FZR1: variants seen among roughly 807,000 people sequenced by gnomAD.
FZR1 encodes the protein fizzy-related protein homolog.
A neutral mutation model predicts 63.6 loss-of-function variants in FZR1; 11 were observed. That is an observed-to-expected ratio of 0.17 (90% CI 0.11 to 0.29). The LOEUF is 0.29. FZR1 is among the 10% of genes least tolerant of loss of function. The pLI is 1.00. For synonymous variants in FZR1, 328 were observed against 297.9 expected (o/e 1.10, Z -1.04); for missense variants, 440 against 687.5 (o/e 0.64, Z 4.03).
At position 3,526,336 on chromosome 19, in the gene FZR1, G is replaced by A; in HGVS notation, c.337G>A (p.Glu113Lys). Residue 113 changes from glutamate (E) to lysine (K), a missense_variant, in exon 5 of 14, where the codon GAG (glutamate) becomes AAG (lysine). By Grantham distance (56) the Glu-to-Lys change is moderately conservative (BLOSUM62 1). Coordinates refer to ENST00000441788, the MANE Select transcript of FZR1 (RefSeq NM_016263.4). This position sits in a 1 kb window ranked among gnomAD's most constrained non-coding sequence, Gnocchi z 5.4. Reference protein sequence around the residue: ...GIEKVQDPQTEDRRLQPSTPE... With the variant: ...GIEKVQDPQTKDRRLQPSTPE... Reference sequence around the variant, plus strand: ...CGAGAAGGTGCAGGACCCGCAGACTGAGGACCGCAGGCTGCAGCCCTCCAC... The same window carrying A: ...CGAGAAGGTGCAGGACCCGCAGACTAAGGACCGCAGGCTGCAGCCCTCCAC... The A allele has an allele frequency of 6.2e-7, 1 of 1,602,012 alleles. No homozygotes were observed. The highest frequency in any genetic ancestry group is 8.5e-7 in the Non-Finnish European group (1 of 1,175,230).
chr19:3,519,042 C>T (rs1291699191), intron 1 of FZR1, among the ~76,000 whole-genome samples: 1 of 152,180 alleles, frequency 6.6e-6, no homozygotes, highest in Non-Finnish European at 1.5e-5. Flanking sequence ...TGACCCTCCC[C>T]ACCACATCCA....
At position 3,516,206 on chromosome 19, in the gene FZR1, T is replaced by C. The variant is rs1599774674; in HGVS notation, c.-34-6750T>C. Among the ~76,000 whole-genome samples the C allele has an allele frequency of 6.6e-6, 1 of 152,160 alleles. No individual in the cohort carries two copies. Among genetic ancestry groups the C allele is most frequent in the South Asian group, 2.1e-4 (1 of 4,822 alleles). On this transcript the variant is annotated intron_variant, in intron 1 of 13. Coordinates refer to ENST00000441788, the MANE Select transcript of FZR1 (RefSeq NM_016263.4). The surrounding 1 kb of genome is among the most constrained non-coding windows in gnomAD (Gnocchi z 6.0). ...CTGTCTCTCCCCACGCCTGGGATGG[T>C]GAGGCCGAGTCCCCCAGCCCACAGC... is the stretch of plus-strand genomic sequence containing the variant.
Position 3,535,685 on chromosome 19 carries a change from CAG to C in FZR1, c.*850_*851del, listed in dbSNP as rs1268129097. The C allele has an allele frequency of 1.3e-5, 2 of 152,374 alleles. No homozygotes were observed. The highest frequency in any genetic ancestry group is 6.5e-5 in the Admixed American group (1 of 15,288). The allele number at this position is 152,374 out of a possible 1,614,324, so 9.4% of individuals were successfully genotyped here. A position where few individuals can be genotyped will look rare whatever the true frequency, so the allele number is the denominator to read the frequency against. ...GTGCATTCGCCAACACGTGCCCTCA[CAG>C]GGCCAGCGTCCTCCTTCCCTGCGCA... On this transcript the variant is annotated 3_prime_UTR_variant, in exon 14 of 14. Transcript: ENST00000441788.
chr19:3,527,057 C>A lies in FZR1; in HGVS notation c.465C>A (p.Asn155Lys). ...CCTACTCCCTGTCTCCCGTCAGCAACAAGAGGTGGGTCCCAGCTTCCTCCG... is the reference window on the plus strand; with the variant it reads ...CCTACTCCCTGTCTCCCGTCAGCAAAAAGAGGTGGGTCCCAGCTTCCTCCG... ...VSPYSLSPVSNKSQKLLRSPR... is the reference protein window; with the variant it reads ...VSPYSLSPVSKKSQKLLRSPR... Residue 155 changes from asparagine (N) to lysine (K), a missense_variant, in exon 6 of 14, where the codon AAC (asparagine) becomes AAA (lysine). Asn to Lys is a moderately conservative substitution (Grantham distance 94). Around this residue, in one of 5 missense-constraint regions of FZR1, gnomAD observed 200 missense variants for 245.1 expected, o/e 0.82. Transcript: ENST00000441788. 2 of 1,608,384 alleles carry A rather than the reference C, an allele frequency of 1.2e-6. No individual in the cohort carries two copies. Among genetic ancestry groups the A allele is most frequent in the Non-Finnish European group, 1.7e-6 (2 of 1,175,822 alleles).
Position 3,525,266 on chromosome 19 carries a change from T to C in FZR1, c.70-602T>C, listed in dbSNP as rs2121960842. 6.6e-6 allele frequency among the ~76,000 whole-genome samples: 1 copy of C among 152,082 alleles called. No individual in the cohort carries two copies. The highest frequency in any genetic ancestry group is 6.6e-5 in the Admixed American group (1 of 15,248). ...TCCCCTCCGCCATGGCCCCCATTCCTGCCACTCCACCCCGTCCCGTGGCCC... is the reference window on the plus strand; with the variant it reads ...TCCCCTCCGCCATGGCCCCCATTCCCGCCACTCCACCCCGTCCCGTGGCCC... On this transcript the variant is annotated intron_variant, in intron 2 of 13. Coordinates refer to ENST00000441788, the MANE Select transcript of FZR1 (RefSeq NM_016263.4). This position sits in a 1 kb window ranked among gnomAD's most constrained non-coding sequence, Gnocchi z 4.2.
Position 3,529,146 on chromosome 19 carries a change from G to T in FZR1, c.654+1332G>T, listed in dbSNP as rs1568237483. On this transcript the variant is annotated intron_variant, in intron 7 of 13. Coordinates refer to ENST00000441788, the MANE Select transcript of FZR1 (RefSeq NM_016263.4). ...GGAGAGCGGATGGGAGAGCGGATGG[G>T]AGAGCGGATGGGAGAGCGGTTGGGA... 1.6e-4 allele frequency among the ~76,000 whole-genome samples: 18 copies of T among 111,542 alleles called. 1 individual carries two copies. Among genetic ancestry groups the T allele is most frequent in the African/African-American group, 6.6e-4 (18 of 27,390 alleles). The allele number at this position is 111,542 out of a possible 152,430, so 73.2% of individuals were successfully genotyped here. A position where few individuals can be genotyped will look rare whatever the true frequency, so the allele number is the denominator to read the frequency against.
intron 7 of FZR1, among the ~76,000 whole-genome samples, chr19:3,529,106 ATGGGAGAGCGGATGGGAGAGCG>A (rs1568237406): frequency 1.3e-5 from 1 of 76,350 alleles, no homozygotes; most frequent in Non-Finnish European, 2.6e-5. Context: ...GGTTGAGCGG[ATGGGAGAGCGGATGGGAGAGCG>A]GATGGGAGAG....
At chr19:3,512,687 G>A (rs369972554) in intron 1 of FZR1, among the ~76,000 whole-genome samples, 127 of 152,264 alleles carry the variant, frequency 8.3e-4, no homozygotes, top group African/African-American at 2.9e-3. Context: ...GGGGGCTCAC[G>A]TGCTCTGACA....
At position 3,527,827 on chromosome 19, in the gene FZR1, T is replaced by C. The variant is rs776674812; in HGVS notation, c.654+13T>C. On this transcript the variant is annotated intron_variant, in intron 7 of 13. Transcript: ENST00000441788. ...CTGTACCAGCCAGGTGGGTGCTGCG[T>C]GGGGTGTGCATGTGCATGGGGGCCT... 1 of 1,600,968 alleles carries C rather than the reference T, an allele frequency of 6.2e-7. No homozygotes were observed. The highest frequency in any genetic ancestry group is 1.1e-5 in the South Asian group (1 of 90,592).
In FZR1 at chr19:3,515,056, T is replaced by C. The variant is rs893085535; in HGVS notation, c.-34-7900T>C. ...GAAGCCCGGTGGCCCAGGGCCCGGG[T>C]CCACCACCCAGACCAGGGCAACCAA... On this transcript the variant is annotated intron_variant, in intron 1 of 13. Transcript: ENST00000441788. This position sits in a 1 kb window ranked among gnomAD's most constrained non-coding sequence, Gnocchi z 4.6. Among the ~76,000 whole-genome samples the C allele has an allele frequency of 2.0e-5, 3 of 151,690 alleles. No individual in the cohort carries two copies. The highest frequency in any genetic ancestry group is 7.3e-5 in the African/African-American group (3 of 41,234).
intron 1 of FZR1, among the ~76,000 whole-genome samples, chr19:3,507,566 C>T (rs1287888370): frequency 6.6e-6 from 1 of 152,188 alleles, no homozygotes; most frequent in African/African-American, 2.4e-5. Flanking sequence ...GCGATGACCT[C>T]ATGCCTCTCC....
chr19:3,534,702 T>A, intron 13 of FZR1, 93 bp from the exon 14 acceptor site: 1 of 1,216,208 alleles, frequency 8.2e-7, no homozygotes, highest in African/African-American at 1.5e-5. Flanking sequence ...TCCCAGCCCC[T>A]CAGGACCAAG....
chr19:3,526,829 G>A lies in FZR1; in HGVS notation c.388-151G>A, dbSNP rs181712362. On this transcript the variant is annotated intron_variant, in intron 5 of 13. Coordinates refer to ENST00000441788, the MANE Select transcript of FZR1 (RefSeq NM_016263.4). This position sits in a 1 kb window ranked among gnomAD's most constrained non-coding sequence, Gnocchi z 5.4. ...GGTGGGGGGTCCGCAGTCCCCGCCA[G>A]GAAGGCGCCTGCCTTTTTACAGCTG... The A allele has an allele frequency of 8.0e-4, 505 of 629,534 alleles. No homozygotes were observed. The highest frequency in any genetic ancestry group is 1.2e-3 in the Non-Finnish European group (441 of 354,194). 39.0% of individuals were successfully genotyped at this position (629,534 alleles called of 1,614,324 possible). A position where few individuals can be genotyped will look rare whatever the true frequency, so the allele number is the denominator to read the frequency against.
Position 3,523,028 on chromosome 19 carries a change from C to T in FZR1, c.39C>T (p.Ile13=), listed in dbSNP as rs914230986. 6.8e-6 allele frequency: 11 copies of T among 1,610,926 alleles called. 1 individual carries two copies. Among genetic ancestry groups the T allele is most frequent in the South Asian group, 4.4e-5 (4 of 91,058 alleles). Reference sequence around the variant, plus strand: ...ATGAGCGGCGCCTGCTTCGCCAGATCGTCATCCAGAATGAGAACACGATGC... The same window carrying T: ...ATGAGCGGCGCCTGCTTCGCCAGATTGTCATCCAGAATGAGAACACGATGC... ...QDYERRLLRQ[I]VIQNENTMPR... The change falls in exon 2 of 14, where the codon ATC becomes ATT. Residue 13 remains isoleucine, a synonymous_variant. Transcript: ENST00000441788.
chr19:3,533,616 C>T lies in FZR1; in HGVS notation c.1347+218C>T, dbSNP rs1568241229. 3.6e-6 allele frequency: 2 copies of T among 551,110 alleles called. No homozygotes were observed. Among genetic ancestry groups the T allele is most frequent in the Middle Eastern group, 4.5e-4 (1 of 2,200 alleles). The allele number at this position is 551,110 out of a possible 1,614,324, so 34.1% of individuals were successfully genotyped here. A position where few individuals can be genotyped will look rare whatever the true frequency, so the allele number is the denominator to read the frequency against. On this transcript the variant is annotated intron_variant, in intron 12 of 13. Coordinates refer to ENST00000441788, the MANE Select transcript of FZR1 (RefSeq NM_016263.4). The surrounding 1 kb of genome is among the most constrained non-coding windows in gnomAD (Gnocchi z 4.9). ...CTCCCCAGCCCTGCAGGTGCAGGCC[C>T]TGTCCTCCTGGAGGACCTTAGCTTC...
chr19:3,518,565 C>T (rs1361663822), intron 1 of FZR1, among the ~76,000 whole-genome samples: 3 of 152,126 alleles, frequency 2.0e-5, no homozygotes, highest in East Asian at 1.9e-4. Flanking sequence ...CGCTTGTGCC[C>T]GCGCTCCTGT....
In FZR1 at chr19:3,525,299, A is replaced by G. The variant is rs1471133319; in HGVS notation, c.70-569A>G. Among the ~76,000 whole-genome samples the G allele has an allele frequency of 6.6e-6, 1 of 151,850 alleles. No homozygotes were observed. Among genetic ancestry groups the G allele is most frequent in the African/African-American group, 2.4e-5 (1 of 41,314 alleles). On this transcript the variant is annotated intron_variant, in intron 2 of 13. Coordinates refer to ENST00000441788, the MANE Select transcript of FZR1 (RefSeq NM_016263.4). This position sits in a 1 kb window ranked among gnomAD's most constrained non-coding sequence, Gnocchi z 4.2. Reference sequence around the variant, plus strand: ...CACCCCGTCCCGTGGCCCTGCCCTCACCACCCTCCTGCCTGGCAGCGTTGG... The same window carrying G: ...CACCCCGTCCCGTGGCCCTGCCCTCGCCACCCTCCTGCCTGGCAGCGTTGG...
Position 3,532,009 on chromosome 19 carries a change from C to T in FZR1, c.922C>T (p.Arg308Trp), listed in dbSNP as rs1177329604. 4.5e-6 allele frequency: 7 copies of T among 1,560,616 alleles called. No individual in the cohort carries two copies. The highest frequency in any genetic ancestry group is 1.2e-5 in the South Asian group (1 of 85,774). ...CACCCCGCCACTGCAGTCGGAGCGGCGGCTGCAGGGCCACCGGCAGGAGGT... is the reference window on the plus strand; with the variant it reads ...CACCCCGCCACTGCAGTCGGAGCGGTGGCTGCAGGGCCACCGGCAGGAGGT... ...IRTPPLQSERRLQGHRQEVCG... is the reference protein window; with the variant it reads ...IRTPPLQSERWLQGHRQEVCG... Residue 308 changes from arginine to tryptophan, a missense_variant, in exon 10 of 14, where the codon CGG (arginine) becomes TGG (tryptophan). Transcript: ENST00000441788.
chr19:3,531,605 C>A, intron 8 of FZR1, 109 bp from the exon 9 acceptor site: 1 of 719,524 alleles, frequency 1.4e-6, no homozygotes, highest in Non-Finnish European at 2.3e-6. Context: ...GTTAGGGAAA[C>A]CGTCCCAGAG....
Sources: gnomAD v4.1 joint callset for allele counts (sites outside exome capture counted in the v4.1 genomes callset) on GRCh38, gnomAD v4.1.1 for gene constraint, gnomAD v4.1.1 regional missense constraint, Gnocchi (gnomAD v3.1) non-coding constraint, MANE v1.5 for transcripts, NCBI Gene and HGNC (gene_info 2026-07-23, HGNC 2026-07-21) for gene names.